LCORL: variants seen among roughly 807,000 people sequenced by gnomAD.
The protein encoded by LCORL is ligand-dependent nuclear receptor corepressor-like protein.
LCORL carries 41 observed loss-of-function variants against 141.8 expected under a neutral mutation model. The observed-to-expected ratio is 0.29, with a 90% CI of 0.23 to 0.38. The LOEUF (loss-of-function observed/expected upper bound fraction) is 0.38. Among genes scored for constraint, LCORL ranks in the 10% least tolerant of loss-of-function variants. LCORL has a pLI of 1.00. For synonymous variants in LCORL, 618 were observed against 694.1 expected (o/e 0.89, Z 1.72); for missense variants, 1,759 against 2,035.0 (o/e 0.86, Z 2.61).
intron 7 of LCORL, among the ~76,000 whole-genome samples, chr4:17,857,658 C>T (rs553601670): frequency 6.6e-6 from 1 of 152,294 alleles, no homozygotes; most frequent in African/African-American, 2.4e-5. Flanking sequence ...CTGTGCTAGA[C>T]ATTGTAGAAT....
chr4:17,841,225 A>T (rs541936114), exon 8 of LCORL: 7 of 152,114 alleles, frequency 4.6e-5, no homozygotes, highest in Admixed American at 3.3e-4. Context: ...TTATTTCCTC[A>T]TTACAAAAGC....
chr4:17,985,240 T>C (rs35317957), intron 1 of LCORL, among the ~76,000 whole-genome samples: 35,747 of 152,018 alleles, frequency 0.24, 5,327 homozygotes, highest in African/African-American at 0.42. Flanking sequence ...GAAGTAAGTA[T>C]ACTCTGCTGT....
chr4:17,877,011 A>G, exon 7 of LCORL: 1 of 1,230,678 alleles, frequency 8.1e-7, no homozygotes, highest in Non-Finnish European at 1.0e-6. Context: ...TGATGAAGAT[A>G]TCTCATTGTT....
intron 4 of LCORL, among the ~76,000 whole-genome samples, chr4:17,929,004 CACAAA>C (rs1268429767): frequency 6.6e-6 from 1 of 151,994 alleles, no homozygotes; most frequent in African/African-American, 2.4e-5. Flanking sequence ...TAACCAATAG[CACAAA>C]ACAATTCCAA....
At chr4:17,970,749 G>A (rs2320299) in intron 2 of LCORL, among the ~76,000 whole-genome samples, 104,341 of 152,046 alleles carry the variant, frequency 0.69, 36,260 homozygotes, top group South Asian at 0.8. Flanking sequence ...CAAGTTCTCT[G>A]AAAACCTCAT....
intron 6 of LCORL, among the ~76,000 whole-genome samples, chr4:17,878,506 T>C (rs901501431): frequency 1.3e-5 from 2 of 151,438 alleles, no homozygotes; most frequent in African/African-American, 4.8e-5. Flanking sequence ...GTATTAAGAA[T>C]ATTTAATGGA....
chr4:17,915,140 T>G (rs1733195832), intron 4 of LCORL, among the ~76,000 whole-genome samples: 1 of 152,080 alleles, frequency 6.6e-6, no homozygotes, highest in South Asian at 2.1e-4. Context: ...TCCCCTTCAT[T>G]TGTCTATCCC....
intron 4 of LCORL, among the ~76,000 whole-genome samples, chr4:17,921,225 A>C (rs1240229799): frequency 6.6e-6 from 1 of 151,760 alleles, no homozygotes; most frequent in Non-Finnish European, 1.5e-5. Context: ...ACAGGGTTTC[A>C]CCATGTTGGC....
chr4:17,924,912 C>A (rs368220784), intron 4 of LCORL, among the ~76,000 whole-genome samples: 125 of 152,278 alleles, frequency 8.2e-4, no homozygotes, highest in African/African-American at 2.8e-3. Context: ...AATCAGCATT[C>A]AGTATATGGT....
At chr4:17,912,213 G>A (rs1202397168) in intron 4 of LCORL, 3 of 766,802 alleles carry the variant, frequency 3.9e-6, no homozygotes, top group African/African-American at 1.7e-5. Flanking sequence ...AGACAAAGCT[G>A]GCCGTGCGCC....
chr4:17,873,608 G>A, exon 7 of LCORL: 1 of 1,233,772 alleles, frequency 8.1e-7, no homozygotes, highest in Non-Finnish European at 1.0e-6. Context: ...GATTATTTGT[G>A]TTAGCATTTT....
intron 1 of LCORL, among the ~76,000 whole-genome samples, chr4:17,973,842 A>G (rs1716436937): frequency 6.6e-6 from 1 of 152,062 alleles, no homozygotes; most frequent in African/African-American, 2.4e-5. Flanking sequence ...ATCTACTGTC[A>G]TAGTAAAAAA....
intron 4 of LCORL, among the ~76,000 whole-genome samples, chr4:17,922,924 G>A (rs2109381765): frequency 6.6e-6 from 1 of 152,204 alleles, no homozygotes; most frequent in South Asian, 2.1e-4. Context: ...TTCCACCTTT[G>A]TCTGAGGAGA....
chr4:17,899,634 T>C (rs1187688450), intron 5 of LCORL, among the ~76,000 whole-genome samples: 7 of 152,168 alleles, frequency 4.6e-5, no homozygotes, highest in African/African-American at 1.7e-4. Context: ...TTATTACAAC[T>C]GGGCATAAGA....
At position 17,876,895 on chromosome 4, in the gene LCORL, G is replaced by A; in HGVS notation, c.2095C>T (p.Gln699Ter). Residue 699 changes from glutamine to a stop codon, truncating the protein, a stop_gained, in exon 7 of 8, where the codon CAG (glutamine) becomes TAG (stop). Coordinates refer to ENST00000635767, the Ensembl canonical transcript of LCORL. LOFTEE classifies it high-confidence loss of function. ...CTATGAAGAGGTAGTTGCAGTGACT[G>A]TAATGCATAATTTGGTGAAAATGAT... The A allele has an allele frequency of 5.7e-6, 7 of 1,230,720 alleles. No homozygotes were observed. The highest frequency in any genetic ancestry group is 7.1e-6 in the Non-Finnish European group (7 of 987,010). 76.2% of individuals were successfully genotyped at this position (1,230,720 alleles called of 1,614,324 possible).
intron 5 of LCORL, among the ~76,000 whole-genome samples, chr4:17,907,302 T>C (rs1731797671): frequency 2.0e-5 from 3 of 152,198 alleles, no homozygotes; most frequent in South Asian, 2.1e-4. Flanking sequence ...TTGAGAATCT[T>C]TCATGAGTTT....
chr4:17,917,030 G>A (rs952551876), intron 4 of LCORL, among the ~76,000 whole-genome samples: 6 of 152,092 alleles, frequency 3.9e-5, no homozygotes, highest in African/African-American at 1.4e-4. Flanking sequence ...AGGCTGGGGT[G>A]CAATGACAAT....
chr4:17,986,580 T>C (rs1015715019), intron 1 of LCORL, among the ~76,000 whole-genome samples: 33 of 152,202 alleles, frequency 2.2e-4, no homozygotes, highest in Non-Finnish European at 1.6e-4. Flanking sequence ...TGTGATATTC[T>C]TGTAGTGTGT....
intron 7 of LCORL, among the ~76,000 whole-genome samples, chr4:17,862,327 A>G (rs1399391758): frequency 2.0e-5 from 3 of 152,200 alleles, no homozygotes; most frequent in Admixed American, 2.0e-4. Context: ...ACTTCCCCTT[A>G]TAATAACCAT....
Sources: gnomAD v4.1 joint callset for allele counts (sites outside exome capture counted in the v4.1 genomes callset) on GRCh38, gnomAD v4.1.1 for gene constraint, MANE v1.5 for transcripts, NCBI Gene and HGNC (gene_info 2026-07-23, HGNC 2026-07-21) for gene names.